The following MUC12 variants were observed in gnomAD, a reference collection of about 807,000 sequenced individuals.
MUC12 encodes the protein mucin-12.
In MUC12, 172 loss-of-function variants were observed where a neutral mutation model predicts 230.8. The ratio of observed to expected loss-of-function variants is 0.75; its 90% confidence interval spans 0.66 to 0.85. The LOEUF (loss-of-function observed/expected upper bound fraction) is 0.85, where lower values mean the gene tolerates loss of function less well. Ranked by LOEUF, MUC12 falls within the 40% of genes least tolerant of loss-of-function variation. The probability of loss-of-function intolerance (pLI) is 0.00; values close to 1 mark genes in which losing one functional copy is unlikely to be tolerated. For synonymous variants in MUC12, 1,259 were observed against 2,401.9 expected (o/e 0.52, Z 13.91); for missense variants, 3,506 against 5,920.6 (o/e 0.59, Z 13.38).
chr7:100,992,035 A>G lies in MUC12; in HGVS notation c.1472A>G (p.Glu491Gly). 2.6e-6 allele frequency: 4 copies of G among 1,537,990 alleles called. No homozygotes were observed. Among genetic ancestry groups the G allele is most frequent in the Non-Finnish European group, 3.5e-6 (4 of 1,147,072 alleles). ...PGSTTKPGLS[E>G]KSTTFYSSPR... is the part of the protein sequence containing the mutation. ...AGTACCACAAAACCAGGCCTCAGTGAGAAATCTACCACTTTCTACAGTAGC... is the reference window on the plus strand; with the variant it reads ...AGTACCACAAAACCAGGCCTCAGTGGGAAATCTACCACTTTCTACAGTAGC... The change falls in exon 2 of 12, where the codon GAG (glutamate) becomes GGG (glycine). Residue 491 changes from glutamate to glycine, a missense_variant. Transcript: ENST00000536621.
intron 1 of MUC12, chr7:100,981,294 G>A (rs575867631): frequency 6.6e-5 from 32 of 487,994 alleles, no homozygotes; most frequent in Non-Finnish European, 9.8e-5. Context: ...TGGGGACACC[G>A]TTGCCACCAG....
At chr7:101,010,735 G>C (rs904134403) in intron 5 of MUC12, among the ~76,000 whole-genome samples, 1 of 151,972 alleles carries the variant, frequency 6.6e-6, no homozygotes, top group Non-Finnish European at 1.5e-5. Flanking sequence ...GGCTGGTCTC[G>C]AACTCCTGAC....
rs528017488 is a variant in MUC12, at chr7:100,990,516, A to G, written c.68-115A>G. 35 of 1,293,254 alleles carry G rather than the reference A, an allele frequency of 2.7e-5. No homozygotes were observed. The East Asian group carries it at 7.6e-4, about 28-fold the overall frequency. The allele number at this position is 1,293,254 out of a possible 1,614,324, so 80.1% of individuals were successfully genotyped here. ...CCCCAAAAGGGAAACTTGAGTTTCA[A>G]TACCATGGGCTGACCAGGTGTCTTC... On this transcript the variant is annotated intron_variant, in intron 1 of 11. Coordinates refer to ENST00000536621, the MANE Select transcript of MUC12 (RefSeq NM_001164462.2).
At chr7:100,977,309 A>G (rs1404759788) in intron 1 of MUC12, among the ~76,000 whole-genome samples, 1 of 151,834 alleles carries the variant, frequency 6.6e-6, no homozygotes, top group African/African-American at 2.4e-5. Context: ...AGTCAAGGTC[A>G]TCATGAGTGC....
rs1160859914 is a variant in MUC12, at chr7:100,994,083, C to T, written c.3520C>T (p.Pro1174Ser). ...SRGSTETTVF[P>S]HSTTTSVHGE... ...AGGCTCAACTGAAACCACAGTGTTC[C>T]CTCACAGCACCACAACCTCAGTTCA... The change falls in exon 2 of 12, where the codon CCT (proline) becomes TCT (serine). Residue 1174 changes from proline (P) to serine (S), a missense_variant. Transcript: ENST00000536621. 2 of 1,026,248 alleles carry T rather than the reference C, an allele frequency of 1.9e-6. 1 individual carries two copies. The highest frequency in any genetic ancestry group is 2.6e-6 in the Non-Finnish European group (2 of 759,316). The allele number at this position is 1,026,248 out of a possible 1,614,324, so 63.6% of individuals were successfully genotyped here. A position where few individuals can be genotyped will look rare whatever the true frequency, so the allele number is the denominator to read the frequency against.
At chr7:100,990,191 C>A (rs920963448) in intron 1 of MUC12, among the ~76,000 whole-genome samples, 1 of 152,218 alleles carries the variant, frequency 6.6e-6, no homozygotes, top group Non-Finnish European at 1.5e-5. Flanking sequence ...AGCGGGCCAG[C>A]GAAGCTGAGC....
At chr7:100,990,591 A>T (rs989240693) in intron 1 of MUC12, 40 bp from the exon 2 acceptor site, 1 of 1,536,608 alleles carries the variant, frequency 6.5e-7, no homozygotes, top group African/African-American at 1.4e-5. Flanking sequence ...GGAGACAGTC[A>T]TAAATCATAG....
chr7:101,007,380 C>T (rs1793771594), intron 3 of MUC12, among the ~76,000 whole-genome samples: 1 of 152,116 alleles, frequency 6.6e-6, no homozygotes, highest in Non-Finnish European at 1.5e-5. Flanking sequence ...TAACCATGCC[C>T]ACCTCCCTCT....
At chr7:101,007,980 ATTT>A (rs1793781787) in intron 3 of MUC12, among the ~76,000 whole-genome samples, 1 of 126,432 alleles carries the variant, frequency 7.9e-6, no homozygotes, top group Admixed American at 8.4e-5. Context: ...TTTTTTTTGT[ATTT>A]TTAGTAGAGA....
At chr7:100,977,716 T>C (rs1333017503) in intron 1 of MUC12, among the ~76,000 whole-genome samples, 1 of 151,706 alleles carries the variant, frequency 6.6e-6, no homozygotes, top group Non-Finnish European at 1.5e-5. Flanking sequence ...GGCTGGATTA[T>C]GAGACTGGCT....
In MUC12 at chr7:101,005,042, A is replaced by T. The variant is rs148261867; in HGVS notation, c.14479A>T (p.Ser4827Cys). 1 of 1,537,838 alleles carries T rather than the reference A, an allele frequency of 6.5e-7. No homozygotes were observed. Among genetic ancestry groups the T allele is most frequent in the African/African-American group, 1.4e-5 (1 of 73,156 alleles). The change falls in exon 2 of 12, where the codon AGC becomes TGC. Residue 4827 changes from serine (S) to cysteine (C), a missense_variant. Physicochemically the swap from Ser to Cys is moderately radical, Grantham distance 112. Coordinates refer to ENST00000536621, the MANE Select transcript of MUC12 (RefSeq NM_001164462.2). ...SFAQEFTTPH[S>C]QPGSALSTVS... ...TGCTCAAGAATTTACCACCCCTCATAGCCAACCAGGCTCAGCTCTGTCAAC... is the reference window on the plus strand; with the variant it reads ...TGCTCAAGAATTTACCACCCCTCATTGCCAACCAGGCTCAGCTCTGTCAAC...
intron 11 of MUC12, 23 bp from the exon 12 acceptor site, chr7:101,018,572 A>C (rs1584851251): frequency 6.5e-7 from 1 of 1,527,676 alleles, no homozygotes; most frequent in East Asian, 2.5e-5. Flanking sequence ...CCTTGGCCTC[A>C]CCTCTTCTCT....
chr7:100,969,681 T>C lies in MUC12; in HGVS notation c.59T>C (p.Val20Ala), dbSNP rs1792806110. The change falls in exon 1 of 12, where the codon GTG (valine) becomes GCG (alanine). Residue 20 changes from valine (V) to alanine (A), a missense_variant. Val to Ala is a moderately conservative substitution (Grantham distance 64, BLOSUM62 0). Coordinates refer to ENST00000536621, the MANE Select transcript of MUC12 (RefSeq NM_001164462.2). ...CGGCTCTGCGCGTCCGTTACTACAG[T>C]GACACCAGGTGAGTGCTCCTGGGCT... Reference protein sequence around the residue: ...ALRLCASVTTVTPGSTVNTSI... With the variant: ...ALRLCASVTTATPGSTVNTSI... 6.6e-7 allele frequency: 1 copy of C among 1,524,184 alleles called. No homozygotes were observed. Among genetic ancestry groups the C allele is most frequent in the Non-Finnish European group, 8.8e-7 (1 of 1,142,042 alleles). The allele number at this position is 1,524,184 out of a possible 1,614,324, so 94.4% of individuals were successfully genotyped here.
chr7:101,004,372 G>A lies in MUC12; in HGVS notation c.13809G>A (p.Thr4603=), dbSNP rs1441411530. Residue 4603 remains threonine (T), a synonymous_variant, in exon 2 of 12, where the codon ACG becomes ACA. Coordinates refer to ENST00000536621, the MANE Select transcript of MUC12 (RefSeq NM_001164462.2). The part of the protein sequence containing the change: ...STTSGLVEES[T]AYHSSPGSTQ... ...CCTCAGGCCTCGTTGAAGAATCTAC[G>A]GCGTACCACAGCAGCCCGGGCTCAA... is the stretch of plus-strand genomic sequence containing the variant. 5.1e-5 allele frequency: 74 copies of A among 1,446,260 alleles called. No individual in the cohort carries two copies. Among genetic ancestry groups the A allele is most frequent in the Non-Finnish European group, 6.5e-5 (71 of 1,097,506 alleles). 89.6% of individuals were successfully genotyped at this position (1,446,260 alleles called of 1,614,324 possible). A position where few individuals can be genotyped will look rare whatever the true frequency, so the allele number is the denominator to read the frequency against.
chr7:100,972,260 A>G, intron 1 of MUC12: 1 of 701,128 alleles, frequency 1.4e-6, no homozygotes, highest in South Asian at 1.5e-5. Context: ...TCCACACAGC[A>G]AATAATGAAC....
intron 9 of MUC12, chr7:101,014,387 G>T: frequency 4.2e-6 from 1 of 237,226 alleles, no homozygotes; most frequent in South Asian, 9.1e-5. Context: ...AGATCAAGGG[G>T]CTGCATCTGG....
Position 100,993,890 on chromosome 7 carries a change from A to G in MUC12, c.3327A>G (p.Arg1109=), listed in dbSNP as rs770647806. 4 of 1,491,066 alleles carry G rather than the reference A, an allele frequency of 2.7e-6. No individual in the cohort carries two copies. The South Asian group carries it at 3.6e-5, about 14-fold the overall frequency. 92.4% of individuals were successfully genotyped at this position (1,491,066 alleles called of 1,614,324 possible). ...CTACCACCTTCTACAGCAGCCCCAG[A>G]TCACCAACCACAACACTCTCACCTG... is the stretch of plus-strand genomic sequence containing the variant. ...EASTTFYSSP[R]SPTTTLSPAS... The change falls in exon 2 of 12, where the codon AGA becomes AGG. Residue 1109 remains arginine (R), a synonymous_variant. Transcript: ENST00000536621.
chr7:100,969,788 C>T (rs964787512), intron 1 of MUC12, 99 bp downstream of exon 1: 27 of 1,457,544 alleles, frequency 1.9e-5, no homozygotes, highest in Non-Finnish European at 2.5e-5. Flanking sequence ...GCCTCCTCCC[C>T]TTTGCATGGC....
chr7:100,985,367 A>G (rs911267775), intron 1 of MUC12, among the ~76,000 whole-genome samples: 2 of 152,166 alleles, frequency 1.3e-5, no homozygotes, highest in South Asian at 2.1e-4. Flanking sequence ...TCTGCAAAAT[A>G]TCTCAAGCAC....
Sources: gnomAD v4.1 joint callset for allele counts (sites outside exome capture counted in the v4.1 genomes callset) on GRCh38, gnomAD v4.1.1 for gene constraint, MANE v1.5 for transcripts, NCBI Gene and HGNC (gene_info 2026-07-23, HGNC 2026-07-21) for gene names.